ARHGAP6: variants seen among roughly 807,000 people sequenced by gnomAD.
ARHGAP6 encodes the protein rho GTPase-activating protein 6.
Under a neutral mutation model 55.7 loss-of-function variants are expected in ARHGAP6, and 16 were observed. The observed-to-expected ratio is 0.29, with a 90% confidence interval of 0.19 to 0.44. The LOEUF is 0.44. Among genes scored for constraint, ARHGAP6 ranks in the 20% least tolerant of loss-of-function variants. The pLI is 1.00. For synonymous variants in ARHGAP6, 382 were observed against 360.9 expected (o/e 1.06, Z -0.66); for missense variants, 698 against 808.9 (o/e 0.86, Z 1.66).
At chrX:11,532,627 T>C (rs758440534) in intron 1 of ARHGAP6, among the ~76,000 whole-genome samples, 4 of 112,990 alleles carry the variant, frequency 3.5e-5, no homozygotes, top group African/African-American at 1.3e-4. Flanking sequence ...TTTTTTACAT[T>C]TTTATGGTTG....
At chrX:11,633,141 A>G (rs1219962978) in intron 1 of ARHGAP6, among the ~76,000 whole-genome samples, 1 of 112,179 alleles carries the variant, frequency 8.9e-6, no homozygotes, top group Non-Finnish European at 1.9e-5. Flanking sequence ...GCTCTTCCCT[A>G]CAAATCACTA....
At chrX:11,348,368 C>G (rs2048814670) in intron 1 of ARHGAP6, among the ~76,000 whole-genome samples, 1 of 111,980 alleles carries the variant, frequency 8.9e-6, no homozygotes, top group Non-Finnish European at 1.9e-5. Flanking sequence ...AAGGGAACCC[C>G]ATTCTCACCG....
At chrX:11,260,726 T>A (rs1282058154) in intron 1 of ARHGAP6, among the ~76,000 whole-genome samples, 2 of 111,855 alleles carry the variant, frequency 1.8e-5, no homozygotes, top group African/African-American at 6.5e-5. Context: ...TTCCTTCAAA[T>A]TTTTTTCAAC....
chrX:11,530,683 T>C (rs762822848), intron 1 of ARHGAP6, among the ~76,000 whole-genome samples: 4 of 111,863 alleles, frequency 3.6e-5, no homozygotes, highest in Non-Finnish European at 7.5e-5. Flanking sequence ...AGATCTTTTT[T>C]TAAAAATCCT....
At chrX:11,174,571 TTC>T (rs1479485510) in intron 8 of ARHGAP6, among the ~76,000 whole-genome samples, 4,585 of 71,065 alleles carry the variant, frequency 0.065, 143 homozygotes, top group African/African-American at 0.089. Flanking sequence ...CCTTCCTTCC[TTC>T]CTTTCTTTCT....
intron 1 of ARHGAP6, among the ~76,000 whole-genome samples, chrX:11,409,196 C>A (rs948847036): frequency 8.9e-6 from 1 of 111,932 alleles, no homozygotes; most frequent in Non-Finnish European, 1.9e-5. Flanking sequence ...TAGTGTTTTC[C>A]GTATGTTAAT....
At chrX:11,199,344 G>A (rs1192196805) in intron 2 of ARHGAP6, among the ~76,000 whole-genome samples, 2 of 111,849 alleles carry the variant, frequency 1.8e-5, no homozygotes, top group Non-Finnish European at 3.8e-5. Context: ...CATCAGTATC[G>A]CCTGGGAACC....
intron 1 of ARHGAP6, chrX:11,296,676 T>C: frequency 2.1e-6 from 2 of 934,321 alleles, no homozygotes; most frequent in South Asian, 2.0e-5. Flanking sequence ...TCTCCTTTAA[T>C]GTGAACAATT....
intron 1 of ARHGAP6, among the ~76,000 whole-genome samples, chrX:11,364,198 A>C (rs752790686): frequency 9.1e-6 from 1 of 110,488 alleles, no homozygotes; most frequent in South Asian, 3.9e-4. Flanking sequence ...ACCAGGGCCT[A>C]CTTGAGGGTG....
chrX:11,657,861 G>C (rs139927782), intron 1 of ARHGAP6, among the ~76,000 whole-genome samples: 1,353 of 111,748 alleles, frequency 0.012, 23 homozygotes, highest in African/African-American at 0.041. Context: ...GTGTGTGATG[G>C]GGATAGGAGG....
chrX:11,566,928 A>G (rs1408389537), intron 1 of ARHGAP6, among the ~76,000 whole-genome samples: 1 of 112,305 alleles, frequency 8.9e-6, no homozygotes, highest in Non-Finnish European at 1.9e-5. Context: ...TAAAATGTGA[A>G]AACATTTGCG....
At chrX:11,544,142 C>T (rs775770998) in intron 1 of ARHGAP6, among the ~76,000 whole-genome samples, 4 of 111,928 alleles carry the variant, frequency 3.6e-5, no homozygotes, top group Admixed American at 1.9e-4. Context: ...TCATGACACA[C>T]GGAAAGCGAA....
At chrX:11,291,762 A>T in intron 1 of ARHGAP6, among the ~76,000 whole-genome samples, 1 of 111,443 alleles carries the variant, frequency 9.0e-6, no homozygotes, top group Non-Finnish European at 1.9e-5. Context: ...AAATAAAGCC[A>T]AATCCTGGGG....
At chrX:11,406,473 T>G (rs2049609797) in intron 1 of ARHGAP6, among the ~76,000 whole-genome samples, 1 of 111,147 alleles carries the variant, frequency 9.0e-6, no homozygotes, top group Non-Finnish European at 1.9e-5. Context: ...CTGTAAACTA[T>G]ACACACACAC....
At chrX:11,268,423 C>T (rs1451831002) in intron 1 of ARHGAP6, among the ~76,000 whole-genome samples, 2 of 111,837 alleles carry the variant, frequency 1.8e-5, no homozygotes, top group African/African-American at 6.5e-5. Context: ...TTCATGTGTG[C>T]CATGTATTCA....
chrX:11,219,435 T>C (rs2046933079), intron 2 of ARHGAP6, among the ~76,000 whole-genome samples: 1 of 100,595 alleles, frequency 9.9e-6, no homozygotes, highest in Non-Finnish European at 2.0e-5. Context: ...ATGGTACTTC[T>C]AGTTCTAGAT....
At chrX:11,357,046 G>C (rs777419251) in intron 1 of ARHGAP6, among the ~76,000 whole-genome samples, 3 of 111,165 alleles carry the variant, frequency 2.7e-5, no homozygotes, top group Non-Finnish European at 5.7e-5. Context: ...AATACTACCC[G>C]AGCCTGTACC....
chrX:11,417,218 A>C (rs2049763728), intron 1 of ARHGAP6, among the ~76,000 whole-genome samples: 1 of 104,433 alleles, frequency 9.6e-6, no homozygotes, highest in Admixed American at 1.0e-4. Context: ...TTTGGGTGTA[A>C]ATAATCAATG....
At chrX:11,310,219 A>AC (rs2048284677) in intron 1 of ARHGAP6, among the ~76,000 whole-genome samples, 1 of 108,556 alleles carries the variant, frequency 9.2e-6, no homozygotes, top group Non-Finnish European at 1.9e-5. Flanking sequence ...TTAAAAAAAA[A>AC]AAAAAACTGT....
Sources: gnomAD v4.1 joint callset for allele counts (sites outside exome capture counted in the v4.1 genomes callset) on GRCh38, gnomAD v4.1.1 for gene constraint, MANE v1.5 for transcripts, NCBI Gene and HGNC (gene_info 2026-07-23, HGNC 2026-07-21) for gene names.